Variants in FER observed in about 807,000 individuals in gnomAD.
FER encodes the protein FER tyrosine kinase, also known as tyrosine-protein kinase Fer.
FER carries 63 observed loss-of-function variants against 111.0 expected under a neutral mutation model. That is an observed-to-expected ratio of 0.57 (90% CI 0.46 to 0.70). The LOEUF is 0.70. Ranked by LOEUF, FER falls within the 30% of genes least tolerant of loss-of-function variation. The pLI, the probability that FER is intolerant of heterozygous loss-of-function variation, is 0.00. For synonymous variants in FER, 327 were observed against 313.9 expected (o/e 1.04, Z -0.44); for missense variants, 914 against 954.0 (o/e 0.96, Z 0.55).
At chr5:108,790,267 ACACACACT>A (rs1273399756) in intron 2 of FER, among the ~76,000 whole-genome samples, 2 of 151,626 alleles carry the variant, frequency 1.3e-5, no homozygotes, top group African/African-American at 4.9e-5. Context: ...ACACACACAC[ACACACACT>A]CTTACATACA....
chr5:108,845,016 A>G (rs1294288209), intron 5 of FER, among the ~76,000 whole-genome samples: 10 of 52,754 alleles, frequency 1.9e-4, no homozygotes, highest in South Asian at 1.3e-3. Context: ...ATATATATAT[A>G]TATATATATA....
At chr5:108,855,786 CAA>C (rs1420764279) in intron 5 of FER, among the ~76,000 whole-genome samples, 2 of 151,796 alleles carry the variant, frequency 1.3e-5, no homozygotes, top group African/African-American at 2.4e-5. Context: ...GTGATTTTGA[CAA>C]GAGAAGTTTC....
At chr5:109,116,370 T>C (rs1204938513) in intron 17 of FER, among the ~76,000 whole-genome samples, 1 of 150,918 alleles carries the variant, frequency 6.6e-6, no homozygotes, top group Non-Finnish European at 1.5e-5. Context: ...TGTTGCTTCA[T>C]AGATTTTCTC....
chr5:109,047,272 T>G, intron 16 of FER, 74 bp downstream of exon 16: 1 of 843,978 alleles, frequency 1.2e-6, no homozygotes, highest in Non-Finnish European at 1.9e-6. Context: ...GTTCGATCTC[T>G]TTGATTTCTC....
intron 2 of FER, among the ~76,000 whole-genome samples, chr5:108,768,974 A>G (rs1160399938): frequency 6.6e-6 from 1 of 151,928 alleles, no homozygotes; most frequent in Non-Finnish European, 1.5e-5. Context: ...ACAGGAGCTC[A>G]CCACCACTCC....
chr5:109,100,254 C>A, intron 16 of FER, 142 bp from the exon 17 acceptor site: 1 of 836,530 alleles, frequency 1.2e-6, no homozygotes, highest in Non-Finnish European at 1.9e-6. Flanking sequence ...CTGTTATCCT[C>A]ACGTCAAACA....
intron 10 of FER, among the ~76,000 whole-genome samples, chr5:108,898,769 C>G (rs907039909): frequency 6.6e-6 from 1 of 151,704 alleles, no homozygotes; most frequent in African/African-American, 2.4e-5. Context: ...CCCTGCCACA[C>G]ACATACCTGG....
intron 8 of FER, among the ~76,000 whole-genome samples, chr5:108,877,770 AT>A (rs899277496): frequency 6.6e-6 from 1 of 152,068 alleles, no homozygotes; most frequent in Non-Finnish European, 1.5e-5. Context: ...TCAAGTCATA[AT>A]TTTTTTTGGA....
intron 16 of FER, among the ~76,000 whole-genome samples, chr5:109,097,451 T>C (rs1408254897): frequency 6.6e-6 from 1 of 151,972 alleles, no homozygotes; most frequent in Non-Finnish European, 1.5e-5. Flanking sequence ...CTTATTGCAA[T>C]GGTCAGGTAG....
At position 108,871,448 on chromosome 5, in the gene FER, C is replaced by A. The variant is rs147156724; in HGVS notation, c.749C>A (p.Ser250Ter). ...IVNVHKEIQM[S>*]VEQIDPSTEY... is the part of the protein sequence containing the mutation. ...AATGTCCATAAAGAGATTCAAATGT[C>A]GGTTGAACAGATAGATCCTAGTACA... The change falls in exon 7 of 20, where the codon TCG (serine) becomes TAG (stop). Residue 250 changes from serine (S) to a stop codon, truncating the protein, a stop_gained. Transcript: ENST00000281092. LOFTEE classifies it high-confidence loss of function. The A allele has an allele frequency of 6.2e-7, 1 of 1,611,224 alleles. No individual in the cohort carries two copies. Among genetic ancestry groups the A allele is most frequent in the South Asian group, 1.1e-5 (1 of 90,896 alleles).
chr5:108,877,853 A>AGT (rs1765244646), intron 8 of FER, among the ~76,000 whole-genome samples: 1 of 152,170 alleles, frequency 6.6e-6, no homozygotes, highest in African/African-American at 2.4e-5. Context: ...TGATATGAAA[A>AGT]GTGTTGGATA....
intron 16 of FER, among the ~76,000 whole-genome samples, chr5:109,053,972 T>C (rs1394782996): frequency 1.3e-5 from 2 of 152,106 alleles, no homozygotes; most frequent in Non-Finnish European, 2.9e-5. Flanking sequence ...ATTACAGACG[T>C]GAGCCACTGC....
In FER at chr5:109,084,938, A is replaced by C. The variant is rs188971836; in HGVS notation, c.1925-15458A>C. 2.5e-3 allele frequency among the ~76,000 whole-genome samples: 380 copies of C among 151,986 alleles called. 1 individual carries two copies. Among genetic ancestry groups the C allele is most frequent in the African/African-American group, 8.6e-3 (358 of 41,536 alleles). ...TGGACTTTGTCTGTTCCATTGATCT[A>C]TGTAATTATCCTGAAACCAAAAACC... On this transcript the variant is annotated intron_variant, in intron 16 of 19. Coordinates refer to ENST00000281092, the MANE Select transcript of FER (RefSeq NM_005246.4).
intron 13 of FER, among the ~76,000 whole-genome samples, chr5:109,031,373 G>C (rs1262152115): frequency 6.6e-6 from 1 of 152,074 alleles, no homozygotes; most frequent in Non-Finnish European, 1.5e-5. Context: ...CTGTGGAAAG[G>C]AGCAGGGAGA....
At chr5:108,812,939 T>C (rs542157465) in intron 3 of FER, among the ~76,000 whole-genome samples, 2 of 152,248 alleles carry the variant, frequency 1.3e-5, no homozygotes, top group Non-Finnish European at 2.9e-5. Flanking sequence ...TTATTTTTGC[T>C]GATTATCTTT....
intron 10 of FER, among the ~76,000 whole-genome samples, chr5:108,928,532 A>G (rs1376381789): frequency 6.6e-6 from 1 of 152,186 alleles, no homozygotes; most frequent in Non-Finnish European, 1.5e-5. Context: ...TTTAATGGCT[A>G]TTAAATATAT....
rs538548393 is a variant in FER at position 109,126,920 on chromosome 5, C to T, written c.2048+26401C>T. Among the ~76,000 whole-genome samples the T allele has an allele frequency of 8.5e-5, 13 of 152,186 alleles. No homozygotes were observed. The South Asian group carries it at 2.1e-3, about 24-fold the overall frequency. On this transcript the variant is annotated intron_variant, in intron 17 of 19. Transcript: ENST00000281092. ...TTTTGATGAGCACTGAGGGAGTTAG[C>T]GATGTGAAGATTAGGGAGAACAAAT...
chr5:108,975,781 G>C (rs1023151752), intron 13 of FER, among the ~76,000 whole-genome samples: 1 of 152,174 alleles, frequency 6.6e-6, no homozygotes, highest in African/African-American at 2.4e-5. Context: ...CGAATCATTA[G>C]CTTAGTTATC....
At chr5:108,963,843 G>A (rs536142590) in intron 13 of FER, among the ~76,000 whole-genome samples, 6 of 152,204 alleles carry the variant, frequency 3.9e-5, no homozygotes, top group South Asian at 2.1e-4. Flanking sequence ...CACTTTAAGC[G>A]CTGTTTACAT....
Sources: allele counts gnomAD v4.1 joint callset (sites outside exome capture counted in the v4.1 genomes callset), GRCh38; gene constraint gnomAD v4.1.1; transcripts MANE v1.5; gene names NCBI Gene and HGNC (gene_info 2026-07-23, HGNC 2026-07-21).